STXBP5L: variants seen among roughly 807,000 people sequenced by gnomAD.
STXBP5L encodes syntaxin binding protein 5L.
STXBP5L carries 65 observed loss-of-function variants against 144.5 expected under a neutral mutation model. That is an observed-to-expected ratio of 0.45 (90% confidence interval 0.37 to 0.55). The LOEUF is 0.55. STXBP5L is among the 20% of genes least tolerant of loss of function. STXBP5L has a pLI of 0.00. For synonymous variants in STXBP5L, 505 were observed against 469.6 expected (o/e 1.08, Z -0.97); for missense variants, 1,298 against 1,405.5 (o/e 0.92, Z 1.22).
intron 7 of STXBP5L, among the ~76,000 whole-genome samples, chr3:121,122,804 C>T (rs1017659350): frequency 3.3e-5 from 5 of 151,270 alleles, no homozygotes; most frequent in African/African-American, 1.2e-4. Context: ...CACTCTTGGG[C>T]AAAATCTAAA....
At chr3:121,115,242 G>A (rs1165902179) in intron 6 of STXBP5L, among the ~76,000 whole-genome samples, 183 bp downstream of exon 6, 3 of 152,004 alleles carry the variant, frequency 2.0e-5, no homozygotes, top group African/African-American at 2.4e-5. Context: ...AATATTTTAG[G>A]CTTTCCAAAT....
intron 5 of STXBP5L, among the ~76,000 whole-genome samples, chr3:121,087,751 C>T (rs1409588945): frequency 6.6e-6 from 1 of 151,642 alleles, no homozygotes; most frequent in Non-Finnish European, 1.5e-5. Flanking sequence ...CTTTTTTCCC[C>T]TTGCCTTTCT....
Position 120,923,590 on chromosome 3 carries a change from G to T in STXBP5L, c.189+13823G>T, listed in dbSNP as rs533624978. Among the ~76,000 whole-genome samples the T allele has an allele frequency of 5.3e-5, 8 of 151,490 alleles. No homozygotes were observed. In the South Asian group the frequency reaches 1.7e-3, roughly 32 times the overall value. On this transcript the variant is annotated intron_variant, in intron 2 of 26. Coordinates refer to ENST00000471454, the MANE Select transcript of STXBP5L (RefSeq NM_001308330.2). ...AATTTCCTTCTTAATTTTTTTCATT[G>T]ACTCATTTGTCATTCAAGAGCATGT... is the stretch of plus-strand genomic sequence containing the variant.
At chr3:121,131,684 A>T (rs1224958140) in intron 7 of STXBP5L, among the ~76,000 whole-genome samples, 2 of 152,218 alleles carry the variant, frequency 1.3e-5, no homozygotes, top group Admixed American at 1.3e-4. Flanking sequence ...TATAAGAGTG[A>T]TAACTAAACC....
intron 3 of STXBP5L, among the ~76,000 whole-genome samples, chr3:120,980,468 T>C (rs1576559298): frequency 6.6e-6 from 1 of 152,252 alleles, no homozygotes; most frequent in Non-Finnish European, 1.5e-5. Flanking sequence ...TGCTTTTTTT[T>C]TTTTTAACTG....
chr3:121,177,365 A>C (rs2046976422), intron 9 of STXBP5L, among the ~76,000 whole-genome samples: 1 of 152,142 alleles, frequency 6.6e-6, no homozygotes, highest in South Asian at 2.1e-4. Flanking sequence ...ATATCTCATA[A>C]AGGGTGAATA....
intron 1 of STXBP5L, among the ~76,000 whole-genome samples, chr3:120,908,778 CGCG>C (rs1278871878): frequency 6.9e-6 from 1 of 144,332 alleles, no homozygotes; most frequent in East Asian, 2.2e-4. Context: ...GGCGGGAGAG[CGCG>C]GCGGCGGCTG....
chr3:121,022,848 G>A (rs1334037165), intron 3 of STXBP5L, among the ~76,000 whole-genome samples: 8 of 152,070 alleles, frequency 5.3e-5, no homozygotes, highest in Admixed American at 5.2e-4. Context: ...ACTGGAAAAA[G>A]ATAAAGATAC....
intron 9 of STXBP5L, among the ~76,000 whole-genome samples, chr3:121,194,334 C>T (rs145999229): frequency 1.5e-4 from 23 of 152,190 alleles, no homozygotes; most frequent in African/African-American, 5.5e-4. Context: ...AATTCTTTCA[C>T]GATTCATTCA....
intron 22 of STXBP5L, among the ~76,000 whole-genome samples, chr3:121,402,480 CTT>C (rs1452040955): frequency 6.6e-6 from 1 of 152,164 alleles, no homozygotes; most frequent in Non-Finnish European, 1.5e-5. Context: ...CCCTTTCTAA[CTT>C]TAATTTCACA....
intron 6 of STXBP5L, among the ~76,000 whole-genome samples, chr3:121,115,853 C>T (rs2044210535): frequency 6.6e-6 from 1 of 152,000 alleles, no homozygotes; most frequent in Non-Finnish European, 1.5e-5. Context: ...GGGGGAGGTG[C>T]CACACACTTT....
rs371703833 is a variant in STXBP5L, at chr3:121,183,266, C to G, written c.878-22657C>G. Among the ~76,000 whole-genome samples, 12 of 152,256 alleles carry G rather than the reference C, an allele frequency of 7.9e-5. No homozygotes were observed. The East Asian group carries it at 1.2e-3, about 15-fold the overall frequency. On this transcript the variant is annotated intron_variant, in intron 9 of 26. Transcript: ENST00000471454. ...GATGCCCACTTTCACCACTTCTAGT[C>G]AGCATAATACCGGAAGTCATAGACA...
At position 121,185,416 on chromosome 3, in the gene STXBP5L, T is replaced by A. The variant is rs181485077; in HGVS notation, c.878-20507T>A. ...GTATTGCCTAGGTTTTCTTCTAGGG[T>A]TTTTATGGTTTTAGGTCTGACATGT... On this transcript the variant is annotated intron_variant, in intron 9 of 26. Coordinates refer to ENST00000471454, the MANE Select transcript of STXBP5L (RefSeq NM_001308330.2). Among the ~76,000 whole-genome samples, 181 of 152,266 alleles carry A rather than the reference T, an allele frequency of 1.2e-3. 1 individual carries two copies. The highest frequency in any genetic ancestry group is 1.9e-3 in the Non-Finnish European group (126 of 68,008).
chr3:121,407,732 G>A (rs1490388132), intron 23 of STXBP5L, 129 bp downstream of exon 23: 1 of 1,307,744 alleles, frequency 7.6e-7, no homozygotes. Flanking sequence ...TTATGTTTCT[G>A]GATGTTTTAT....
intron 3 of STXBP5L, among the ~76,000 whole-genome samples, chr3:120,979,353 G>T (rs1014656790): frequency 2.6e-5 from 4 of 152,232 alleles, no homozygotes; most frequent in African/African-American, 4.8e-5. Flanking sequence ...CTCCGAGCCA[G>T]GTGTGGGATA....
chr3:121,224,547 T>G lies in STXBP5L; in HGVS notation c.1111+1390T>G, dbSNP rs79100148. 4.7e-4 allele frequency among the ~76,000 whole-genome samples: 72 copies of G among 152,270 alleles called. 1 individual carries two copies. In the East Asian group the frequency reaches 0.013, roughly 28 times the overall value. ...AAATCTGGTCAGATGAGTGAGATTA[T>G]TATGACTTGTTAAGTTTAAGTAATG... is the stretch of plus-strand genomic sequence containing the variant. On this transcript the variant is annotated intron_variant, in intron 11 of 26. Coordinates refer to ENST00000471454, the MANE Select transcript of STXBP5L (RefSeq NM_001308330.2).
intron 18 of STXBP5L, among the ~76,000 whole-genome samples, chr3:121,265,516 G>T (rs1353114424): frequency 6.6e-6 from 1 of 152,176 alleles, no homozygotes; most frequent in Non-Finnish European, 1.5e-5. Context: ...ACAAGAGAAA[G>T]CAGGAAAGAT....
intron 3 of STXBP5L, among the ~76,000 whole-genome samples, chr3:120,964,859 T>C (rs990961698): frequency 1.3e-5 from 2 of 152,180 alleles, no homozygotes; most frequent in African/African-American, 4.8e-5. Context: ...CTGTCTAATT[T>C]TGACAGTGGG....
intron 5 of STXBP5L, among the ~76,000 whole-genome samples, chr3:121,059,760 G>A (rs1260236471): frequency 6.6e-6 from 1 of 152,014 alleles, no homozygotes; most frequent in East Asian, 1.9e-4. Flanking sequence ...ATTCACTCAT[G>A]ATTTGGCTGT....
Sources: allele counts gnomAD v4.1 joint callset (sites outside exome capture counted in the v4.1 genomes callset), GRCh38; gene constraint gnomAD v4.1.1; transcripts MANE v1.5; gene names NCBI Gene and HGNC (gene_info 2026-07-23, HGNC 2026-07-21).